The following CLPX variants were observed in gnomAD, a reference collection of about 807,000 sequenced individuals.
The protein encoded by CLPX is ATP-dependent clpX-like chaperone, mitochondrial.
CLPX carries 34 observed loss-of-function variants against 76.4 expected under a neutral mutation model. The ratio of observed to expected loss-of-function variants is 0.45; its 90% CI spans 0.34 to 0.59. The LOEUF (loss-of-function observed/expected upper bound fraction) is 0.59. Ranked by LOEUF, CLPX falls within the 20% of genes least tolerant of loss-of-function variation. CLPX has a pLI of 0.01. For synonymous variants in CLPX, 248 were observed against 270.9 expected (o/e 0.92, Z 0.83); for missense variants, 613 against 757.0 (o/e 0.81, Z 2.23).
At chr15:65,167,144 C>T (rs1337608565) in intron 3 of CLPX, among the ~76,000 whole-genome samples, 1 of 150,976 alleles carries the variant, frequency 6.6e-6, no homozygotes, top group African/African-American at 2.4e-5. Context: ...GATCTCGGCT[C>T]ACTGCAACCT....
intron 4 of CLPX, among the ~76,000 whole-genome samples, chr15:65,164,781 A>G (rs947038290): frequency 6.6e-6 from 1 of 151,850 alleles, no homozygotes; most frequent in African/African-American, 2.4e-5. Context: ...TTCTAAAAAT[A>G]TATTTTTTTC....
chr15:65,157,573 C>A (rs1356916384), intron 8 of CLPX, among the ~76,000 whole-genome samples, 173 bp downstream of exon 8: 2 of 152,120 alleles, frequency 1.3e-5, no homozygotes, highest in African/African-American at 2.4e-5. Context: ...GACAATAAGG[C>A]AAAGCAAACT....
chr15:65,184,964 C>A, intron 1 of CLPX, 111 bp downstream of exon 1: 1 of 905,236 alleles, frequency 1.1e-6, no homozygotes, highest in South Asian at 1.5e-5. Context: ...CGCATTCCCT[C>A]ACACTCCCCG....
At chr15:65,166,960 G>T (rs779406926) in intron 3 of CLPX, among the ~76,000 whole-genome samples, 175 bp from the exon 4 acceptor site, 4 of 152,160 alleles carry the variant, frequency 2.6e-5, no homozygotes, top group African/African-American at 4.8e-5. Flanking sequence ...TACAAAGATA[G>T]ATCAGTCAAC....
rs753829887 is a variant in CLPX, at chr15:65,157,753, T to C, written c.1050A>G (p.Ala350=). The change falls in exon 8 of 14, where the codon GCA becomes GCG. Residue 350 remains alanine, a synonymous_variant. Coordinates refer to ENST00000300107, the MANE Select transcript of CLPX (RefSeq NM_006660.5). ...ACCATGCTGAAAACATACCTTGTTG[T>C]GCTTTTTCCACATTATAATTGGCAT... ...LQDANYNVEK[A]QQGIVFLDEV... is the part of the protein sequence containing the mutation. 2 of 1,613,216 alleles carry C rather than the reference T, an allele frequency of 1.2e-6. No individual in the cohort carries two copies. Among genetic ancestry groups the C allele is most frequent in the Non-Finnish European group, 8.5e-7 (1 of 1,179,682 alleles).
intron 3 of CLPX, among the ~76,000 whole-genome samples, chr15:65,168,956 A>G (rs1320031816): frequency 6.6e-6 from 1 of 150,940 alleles, no homozygotes; most frequent in Non-Finnish European, 1.5e-5. Context: ...TCCTAAGCTC[A>G]AGCAATCCTC....
chr15:65,154,970 TTTC>T lies in CLPX; in HGVS notation c.1420_1422del (p.Glu474del). 6.2e-7 allele frequency: 1 copy of T among 1,614,170 alleles called. No homozygotes were observed. Among genetic ancestry groups the T allele is most frequent in the Non-Finnish European group, 8.5e-7 (1 of 1,180,032 alleles). On this transcript the variant is annotated inframe_deletion, in exon 11 of 14. Coordinates refer to ENST00000300107, the MANE Select transcript of CLPX (RefSeq NM_006660.5). ...TCCACATGACGCAATAACCGATCTTTTTCTTCAATGTCTTGGTGAGTATTCGAT... is the reference window on the plus strand; with the variant it reads ...TCCACATGACGCAATAACCGATCTTTTTCAATGTCTTGGTGAGTATTCGAT...
intron 4 of CLPX, among the ~76,000 whole-genome samples, chr15:65,164,959 G>T (rs2087891496): frequency 6.6e-6 from 1 of 152,004 alleles, no homozygotes; most frequent in Admixed American, 6.6e-5. Context: ...CTATTCTACA[G>T]TTGGTTATTG....
intron 11 of CLPX, 71 bp from the exon 12 acceptor site, chr15:65,153,710 TGAG>T: frequency 1.2e-6 from 1 of 853,938 alleles, no homozygotes; most frequent in Non-Finnish European, 1.8e-6. Flanking sequence ...TACCATTAAG[TGAG>T]GGCACAATTT....
intron 9 of CLPX, chr15:65,156,600 A>T (rs1169222284): frequency 2.2e-6 from 1 of 451,538 alleles, no homozygotes; most frequent in African/African-American, 2.0e-5. Context: ...ATAAAAAAAA[A>T]AGATTAAATT....
chr15:65,184,975 G>C, intron 1 of CLPX, 100 bp downstream of exon 1: 2 of 975,862 alleles, frequency 2.0e-6, no homozygotes, highest in Non-Finnish European at 3.2e-6. Flanking sequence ...ACACTCCCCG[G>C]GTGCAGCAGG....
Position 65,155,084 on chromosome 15 carries a change from G to A in CLPX, c.1312-3C>T. On this transcript the variant is annotated splice_region_variant and splice_polypyrimidine_tract_variant and intron_variant, in intron 10 of 13. Coordinates refer to ENST00000300107, the MANE Select transcript of CLPX (RefSeq NM_006660.5). ...GATGGTGTTCCAAATCCAAGATACTGCCAAAGAAATGATGCATATTTATAA... is the reference window on the plus strand; with the variant it reads ...GATGGTGTTCCAAATCCAAGATACTACCAAAGAAATGATGCATATTTATAA... 2 of 1,609,304 alleles carry A rather than the reference G, an allele frequency of 1.2e-6. No homozygotes were observed. The highest frequency in any genetic ancestry group is 2.2e-5 in the East Asian group (1 of 44,816).
intron 1 of CLPX, among the ~76,000 whole-genome samples, chr15:65,184,071 CTG>C (rs769175550): frequency 6.6e-6 from 1 of 152,082 alleles, no homozygotes; most frequent in Non-Finnish European, 1.5e-5. Flanking sequence ...AGTAAAGAAA[CTG>C]GAAGATATAT....
chr15:65,156,239 T>C (rs1215743997), intron 9 of CLPX, among the ~76,000 whole-genome samples: 1 of 152,222 alleles, frequency 6.6e-6, no homozygotes, highest in South Asian at 2.1e-4. Context: ...ATTAAAATTC[T>C]ATTCCACTTA....
chr15:65,151,157 CA>C (rs756207317), intron 13 of CLPX, among the ~76,000 whole-genome samples: 2 of 151,740 alleles, frequency 1.3e-5, no homozygotes, highest in African/African-American at 4.8e-5. Context: ...CCTGCCTGGC[CA>C]ACATGTTGAA....
chr15:65,157,615 T>A, intron 8 of CLPX, 131 bp downstream of exon 8: 1 of 885,868 alleles, frequency 1.1e-6, no homozygotes, highest in East Asian at 2.8e-5. Context: ...CTAGAAATTA[T>A]GTAACAAAGG....
At chr15:65,154,333 A>G (rs2087761120) in intron 11 of CLPX, among the ~76,000 whole-genome samples, 1 of 152,230 alleles carries the variant, frequency 6.6e-6, no homozygotes. Context: ...TTAGAGACAC[A>G]AAGTTCACAA....
chr15:65,169,981 A>C (rs552034876), intron 3 of CLPX, among the ~76,000 whole-genome samples: 100 of 152,042 alleles, frequency 6.6e-4, no homozygotes, highest in Non-Finnish European at 1.1e-3. Flanking sequence ...GGCTGGTCTC[A>C]AATTCCTGAC....
In CLPX at chr15:65,185,289, C is replaced by T; in HGVS notation, c.-136G>A. The T allele has an allele frequency of 1.5e-6, 1 of 669,270 alleles. No individual in the cohort carries two copies. Among genetic ancestry groups the T allele is most frequent in the African/African-American group, 1.8e-5 (1 of 54,698 alleles). The allele number at this position is 669,270 out of a possible 1,614,324, so 41.5% of individuals were successfully genotyped here. ...TAGACCCCGTGGAGAGTTCACCTGC[C>T]CGGCAGCCAGGCCTTCACGCTTCTC... On this transcript the variant is annotated 5_prime_UTR_variant, in exon 1 of 14. Transcript: ENST00000300107.
Sources: gnomAD v4.1 joint callset for allele counts (sites outside exome capture counted in the v4.1 genomes callset) on GRCh38, gnomAD v4.1.1 for gene constraint, MANE v1.5 for transcripts, NCBI Gene and HGNC (gene_info 2026-07-23, HGNC 2026-07-21) for gene names.